The following CDH18 variants were observed in gnomAD, a reference collection of about 807,000 sequenced individuals.
The protein encoded by CDH18 is cadherin-18.
Under a neutral mutation model 67.9 loss-of-function variants are expected in CDH18, and 31 were observed. The ratio of observed to expected loss-of-function variants is 0.46; its 90% CI spans 0.34 to 0.62. The LOEUF (loss-of-function observed/expected upper bound fraction) is 0.62. Among genes scored for constraint, CDH18 ranks in the 20% least tolerant of loss-of-function variants. The pLI is 0.01. For synonymous variants in CDH18, 362 were observed against 347.2 expected (o/e 1.04, Z -0.48); for missense variants, 890 against 975.5 (o/e 0.91, Z 1.17).
chr5:19,825,743 C>A (rs1249240749), intron 3 of CDH18, among the ~76,000 whole-genome samples: 1 of 151,876 alleles, frequency 6.6e-6, no homozygotes, highest in Non-Finnish European at 1.5e-5. Context: ...CAAAGGACAG[C>A]AACTTCAAAG....
chr5:19,600,214 G>C, intron 6 of CDH18, among the ~76,000 whole-genome samples: 1 of 134,524 alleles, frequency 7.4e-6, no homozygotes, highest in Non-Finnish European at 1.6e-5. Flanking sequence ...GTGGGGGAGG[G>C]GGGAGGGATA....
intron 2 of CDH18, among the ~76,000 whole-genome samples, chr5:20,250,119 G>A (rs112432622): frequency 1.6e-4 from 25 of 152,256 alleles, no homozygotes; most frequent in African/African-American, 5.8e-4. Context: ...AAGAGCCAAA[G>A]ATTACGTGAG....
intron 2 of CDH18, among the ~76,000 whole-genome samples, chr5:20,003,549 C>T (rs2150403985): frequency 6.6e-6 from 1 of 152,170 alleles, no homozygotes; most frequent in Non-Finnish European, 1.5e-5. Context: ...TGTCCTACAA[C>T]CTCCTTTTCT....
chr5:20,095,392 G>GAAGAAAGAAAGAAAGAAAGA (rs746033336), intron 2 of CDH18, among the ~76,000 whole-genome samples: 18 of 64,188 alleles, frequency 2.8e-4, no homozygotes, highest in East Asian at 1.7e-3. Flanking sequence ...AAGAGAAACA[G>GAAGAAAGAAAGAAAGAAAGA]AAGAAAGAAA....
chr5:19,733,593 C>T (rs1657810601), intron 4 of CDH18, among the ~76,000 whole-genome samples: 2 of 152,034 alleles, frequency 1.3e-5, no homozygotes, highest in African/African-American at 4.8e-5. Context: ...AATGAGGGTG[C>T]CCAGAAAGTC....
At chr5:19,513,559 G>T (rs347720) in intron 10 of CDH18, among the ~76,000 whole-genome samples, 79,535 of 151,842 alleles carry the variant, frequency 0.52, 21,224 homozygotes, top group African/African-American at 0.62. Flanking sequence ...TCATTTCCAT[G>T]TCATTAAATT....
At chr5:20,425,807 A>G (rs948345625) in intron 1 of CDH18, among the ~76,000 whole-genome samples, 4 of 151,068 alleles carry the variant, frequency 2.6e-5, no homozygotes, top group Admixed American at 6.6e-5. Flanking sequence ...TAATATTTTG[A>G]ATTCTGTAAT....
chr5:20,071,693 A>G (rs1314862113), intron 2 of CDH18, among the ~76,000 whole-genome samples: 1 of 152,114 alleles, frequency 6.6e-6, no homozygotes, highest in Non-Finnish European at 1.5e-5. Flanking sequence ...AAAATATCCT[A>G]CTTTATTCTT....
chr5:19,559,498 T>C (rs1026825444), intron 8 of CDH18, among the ~76,000 whole-genome samples: 2 of 151,750 alleles, frequency 1.3e-5, no homozygotes, highest in East Asian at 3.9e-4. Context: ...AAAACACTCA[T>C]CAAAAACACC....
chr5:19,603,609 C>G (rs1005458016), intron 6 of CDH18, among the ~76,000 whole-genome samples: 2 of 151,450 alleles, frequency 1.3e-5, no homozygotes, highest in Admixed American at 6.6e-5. Context: ...GAAGAAGAGA[C>G]ACAACAAATG....
At chr5:20,230,782 A>C (rs113979417) in intron 2 of CDH18, among the ~76,000 whole-genome samples, 3,559 of 152,270 alleles carry the variant, frequency 0.023, 125 homozygotes, top group African/African-American at 0.079. Flanking sequence ...TTTCTATTAC[A>C]TACTAATAAA....
chr5:19,613,765 C>T (rs773832916), intron 5 of CDH18, among the ~76,000 whole-genome samples: 47 of 152,060 alleles, frequency 3.1e-4, no homozygotes, highest in Admixed American at 9.2e-4. Context: ...ATTAACTATG[C>T]CATAACATAG....
rs775555742 is a variant in CDH18 at position 19,612,454 on chromosome 5, T to C, written c.791A>G (p.Asn264Ser). 1.9e-6 allele frequency: 3 copies of C among 1,614,080 alleles called. No individual in the cohort carries two copies. In the South Asian group the frequency reaches 3.3e-5, roughly 18 times the overall value. The change falls in exon 6 of 13, where the codon AAC becomes AGC. Residue 264 changes from asparagine (N) to serine (S), a missense_variant. Transcript: ENST00000382275. ...VNITLTDVND[N>S]PPRFPQKHYQ... ...CGTACTTTGAGGAAAGCGTGGTGGG[T>C]TGTCATTGACATCGGTTAAGGTGAT... is the stretch of plus-strand genomic sequence containing the variant.
chr5:20,070,051 C>A (rs570421878), intron 2 of CDH18, among the ~76,000 whole-genome samples: 1 of 152,252 alleles, frequency 6.6e-6, no homozygotes, highest in South Asian at 2.1e-4. Context: ...TTTCTGTGCT[C>A]TACCTGTTTA....
At chr5:20,033,389 C>A (rs981431429) in intron 2 of CDH18, among the ~76,000 whole-genome samples, 2 of 151,914 alleles carry the variant, frequency 1.3e-5, no homozygotes, top group African/African-American at 4.8e-5. Flanking sequence ...TCAACTGTAC[C>A]AAAATGCTCA....
At chr5:20,001,203 C>G (rs894491176) in intron 2 of CDH18, among the ~76,000 whole-genome samples, 2 of 152,034 alleles carry the variant, frequency 1.3e-5, no homozygotes, top group Non-Finnish European at 2.9e-5. Flanking sequence ...TTTACCATTT[C>G]CTTGCTTATT....
chr5:19,851,851 G>C (rs1476591158), intron 2 of CDH18, among the ~76,000 whole-genome samples: 1 of 151,752 alleles, frequency 6.6e-6, no homozygotes, highest in Non-Finnish European at 1.5e-5. Flanking sequence ...CTTAAAATCT[G>C]TGTGTTTAAA....
At chr5:20,258,238 A>G (rs1744393546) in intron 1 of CDH18, among the ~76,000 whole-genome samples, 1 of 152,162 alleles carries the variant, frequency 6.6e-6, no homozygotes, top group African/African-American at 2.4e-5. Context: ...ATTTTTAAAA[A>G]TCAGAAGCTC....
At chr5:19,611,587 G>C (rs115667853) in intron 6 of CDH18, among the ~76,000 whole-genome samples, 8 of 151,992 alleles carry the variant, frequency 5.3e-5, no homozygotes, top group Non-Finnish European at 1.2e-4. Context: ...AAGGCATTTC[G>C]CGCTGATTTG....
Sources: allele counts gnomAD v4.1 joint callset (sites outside exome capture counted in the v4.1 genomes callset), GRCh38; gene constraint gnomAD v4.1.1; transcripts MANE v1.5; gene names NCBI Gene and HGNC (gene_info 2026-07-23, HGNC 2026-07-21).